PKHD1: variants seen among roughly 807,000 people sequenced by gnomAD.
PKHD1 encodes fibrocystin.
A neutral mutation model predicts 412.0 loss-of-function variants in PKHD1; 291 were observed. The observed-to-expected ratio is 0.71, with a 90% confidence interval of 0.64 to 0.78. PKHD1 has a LOEUF of 0.78. Ranked by LOEUF, PKHD1 falls within the 30% of genes least tolerant of loss-of-function variation. The probability of loss-of-function intolerance (pLI) is 0.00; values close to 1 mark genes in which losing one functional copy is unlikely to be tolerated. For missense variants in PKHD1, 4,825 were observed against 4,950.7 expected, an observed-to-expected ratio of 0.97 and a Z score of 0.76; for synonymous variants, 1,777 against 1,821.5, an observed-to-expected ratio of 0.98 and a Z score of 0.62.
intron 55 of PKHD1, among the ~76,000 whole-genome samples, chr6:51,761,223 C>T (rs1339702878): frequency 1.3e-5 from 2 of 152,066 alleles, no homozygotes; most frequent in African/African-American, 2.4e-5. Context: ...TATACACATA[C>T]ACTCTGGAAT....
chr6:51,760,150 A>G (rs185932220), intron 55 of PKHD1, among the ~76,000 whole-genome samples: 2 of 152,294 alleles, frequency 1.3e-5, no homozygotes, highest in African/African-American at 2.4e-5. Flanking sequence ...GGAATGAGCA[A>G]AATAAATTAT....
intron 36 of PKHD1, among the ~76,000 whole-genome samples, chr6:51,957,847 A>G (rs1791382018): frequency 6.6e-6 from 1 of 152,108 alleles, no homozygotes; most frequent in Non-Finnish European, 1.5e-5. Context: ...CACCAAGATT[A>G]CCCCAGTATA....
chr6:52,032,719 T>C (rs765266597), intron 29 of PKHD1, among the ~76,000 whole-genome samples: 8 of 152,204 alleles, frequency 5.3e-5, no homozygotes, highest in Non-Finnish European at 1.0e-4. Flanking sequence ...ATTACATCTA[T>C]TTTATGTTTA....
chr6:52,032,442 T>C (rs954795966), intron 29 of PKHD1, among the ~76,000 whole-genome samples: 8 of 152,226 alleles, frequency 5.3e-5, no homozygotes, highest in Non-Finnish European at 1.0e-4. Context: ...ATGAATCCAT[T>C]ATTTTTATAC....
intron 34 of PKHD1, among the ~76,000 whole-genome samples, chr6:52,010,989 T>G (rs976047343): frequency 3.9e-5 from 6 of 152,142 alleles, no homozygotes; most frequent in African/African-American, 1.4e-4. Context: ...AGGCTTGCAA[T>G]TCCCCCTTCC....
intron 52 of PKHD1, among the ~76,000 whole-genome samples, chr6:51,812,139 G>A (rs769175845): frequency 1.3e-5 from 2 of 152,148 alleles, no homozygotes; most frequent in Non-Finnish European, 2.9e-5. Context: ...GTAGCTGTGG[G>A]ACCCAGGGAA....
chr6:51,656,558 G>A (rs889017126), intron 61 of PKHD1, among the ~76,000 whole-genome samples: 1 of 152,082 alleles, frequency 6.6e-6, no homozygotes, highest in African/African-American at 2.4e-5. Flanking sequence ...TGCCTCTAGA[G>A]AAAGACCAGA....
chr6:51,805,380 G>A (rs537712686), intron 52 of PKHD1, among the ~76,000 whole-genome samples: 14 of 152,192 alleles, frequency 9.2e-5, no homozygotes, highest in South Asian at 2.1e-4. Flanking sequence ...TGCTAGAGAC[G>A]GAAAGAAGGG....
chr6:51,683,354 TTAC>T (rs1378126145), intron 60 of PKHD1, among the ~76,000 whole-genome samples: 1 of 152,060 alleles, frequency 6.6e-6, no homozygotes, highest in Non-Finnish European at 1.5e-5. Context: ...ACAGAATGGC[TTAC>T]TTATACCAAA....
At chr6:51,944,137 G>GA (rs1383431634) in intron 36 of PKHD1, among the ~76,000 whole-genome samples, 6 of 152,106 alleles carry the variant, frequency 3.9e-5, no homozygotes, top group South Asian at 2.1e-4. Flanking sequence ...CAAAAGAAGT[G>GA]AAATGGCCAG....
chr6:51,647,082 C>T (rs997458232), intron 63 of PKHD1, among the ~76,000 whole-genome samples: 2 of 152,188 alleles, frequency 1.3e-5, no homozygotes, highest in Non-Finnish European at 2.9e-5. Flanking sequence ...AGTTATGAGG[C>T]TCCTTTGCCT....
chr6:51,703,098 A>ATGTTTAT (rs1220390259), intron 60 of PKHD1, among the ~76,000 whole-genome samples: 1 of 151,994 alleles, frequency 6.6e-6, no homozygotes, highest in East Asian at 1.9e-4. Flanking sequence ...GTGCTCCATA[A>ATGTTTAT]ACATTTATAG....
At chr6:51,847,992 A>T (rs1771516582) in intron 49 of PKHD1, 22 bp from the exon 50 acceptor site, 2 of 1,554,364 alleles carry the variant, frequency 1.3e-6, no homozygotes, top group African/African-American at 2.7e-5. Context: ...AGAAAAACAC[A>T]ATAGTGCTCA....
At chr6:51,774,875 C>G (rs560368182) in intron 54 of PKHD1, among the ~76,000 whole-genome samples, 3 of 151,814 alleles carry the variant, frequency 2.0e-5, no homozygotes, top group South Asian at 2.1e-4. Context: ...AATTAACAAC[C>G]AATTTTCTTT....
intron 21 of PKHD1, 80 bp downstream of exon 21, chr6:52,052,994 TAA>T: frequency 1.5e-6 from 2 of 1,313,860 alleles, no homozygotes; most frequent in Non-Finnish European, 2.2e-6. Flanking sequence ...CTCTCCTCAT[TAA>T]AAAAAACAGT....
At chr6:51,687,647 A>G (rs1777611039) in intron 60 of PKHD1, among the ~76,000 whole-genome samples, 1 of 152,160 alleles carries the variant, frequency 6.6e-6, no homozygotes, top group Admixed American at 6.6e-5. Flanking sequence ...TGATGAAAAA[A>G]CTGAGTTTCT....
At chr6:51,722,381 C>T (rs142737896) in intron 60 of PKHD1, among the ~76,000 whole-genome samples, 7 of 152,216 alleles carry the variant, frequency 4.6e-5, no homozygotes, top group South Asian at 2.1e-4. Context: ...CTTATATAAA[C>T]GAAAGTTTGC....
chr6:52,082,792 C>T (rs1812229783), intron 3 of PKHD1, among the ~76,000 whole-genome samples: 1 of 152,308 alleles, frequency 6.6e-6, no homozygotes, highest in South Asian at 2.1e-4. Flanking sequence ...TTACTCTTTA[C>T]TCTGCTGGGG....
intron 60 of PKHD1, among the ~76,000 whole-genome samples, chr6:51,709,202 C>G (rs987680063): frequency 2.0e-5 from 3 of 152,166 alleles, no homozygotes; most frequent in African/African-American, 7.2e-5. Flanking sequence ...CCATGTTCAC[C>G]TTTATCACAC....
Sources: gnomAD v4.1 joint callset for allele counts (sites outside exome capture counted in the v4.1 genomes callset) on GRCh38, gnomAD v4.1.1 for gene constraint, MANE v1.5 for transcripts, NCBI Gene and HGNC (gene_info 2026-07-23, HGNC 2026-07-21) for gene names.